Variants in TUBB6 observed in about 807,000 individuals in gnomAD.
TUBB6 encodes tubulin beta 6 class V, also known as tubulin beta-6 chain.
Under a neutral mutation model 32.3 loss-of-function variants are expected in TUBB6, and 18 were observed. The observed-to-expected ratio is 0.56, with a 90% confidence interval of 0.39 to 0.83. The LOEUF (loss-of-function observed/expected upper bound fraction) is 0.83, where lower values mean the gene tolerates loss of function less well. TUBB6 is among the 40% of genes least tolerant of loss of function. The pLI, the probability that TUBB6 is intolerant of heterozygous loss-of-function variation, is 0.00. For missense variants in TUBB6, 480 were observed against 632.0 expected, an observed-to-expected ratio of 0.76 and a Z score of 2.58; for synonymous variants, 280 against 265.8, an observed-to-expected ratio of 1.05 and a Z score of -0.52.
intron 3 of TUBB6, among the ~76,000 whole-genome samples, chr18:12,318,403 A>G (rs1461049294): frequency 1.3e-5 from 2 of 148,350 alleles, no homozygotes; most frequent in African/African-American, 2.5e-5. Flanking sequence ...TTGTAAGAGA[A>G]CAGTCACATA....
At chr18:12,321,232 GTACA>G (rs890010442) in intron 3 of TUBB6, among the ~76,000 whole-genome samples, 89 of 152,282 alleles carry the variant, frequency 5.8e-4, no homozygotes, top group African/African-American at 2.0e-3. Flanking sequence ...TAACAGTCCA[GTACA>G]TACATTTTAA....
chr18:12,328,941 A>G (rs1435121708), downstream of TUBB6: 1 of 526,614 alleles, frequency 1.9e-6, no homozygotes, highest in East Asian at 2.9e-5. Context: ...TAGGGACCCT[A>G]TGTGTGTTCA....
In TUBB6 at chr18:12,324,445, CT is replaced by C. The variant is rs201642073; in HGVS notation, c.278-607del. On this transcript the variant is annotated intron_variant, in intron 3 of 3. Coordinates refer to ENST00000317702, the MANE Select transcript of TUBB6 (RefSeq NM_032525.3). ...GATTCAGAAAGCCCAAAGGAGAGAA[CT>C]TTTTTTTTTTTTTTGAGCTGTAGTC... Among the ~76,000 whole-genome samples, 696 of 144,322 alleles carry C rather than the reference CT, an allele frequency of 4.8e-3. 10 individuals carry two copies. Among genetic ancestry groups the C allele is most frequent in the South Asian group, 8.3e-3 (38 of 4,596 alleles). 94.7% of individuals were successfully genotyped at this position (144,322 alleles called of 152,430 possible).
chr18:12,325,455 C>T lies in TUBB6; in HGVS notation c.666C>T (p.Tyr222=), dbSNP rs145399267. ...CTCTGAAGCTGACAACGCCCACCTA[C>T]GGGGACCTCAACCACCTGGTGTCCG... ...FRTLKLTTPT[Y]GDLNHLVSAT... Residue 222 remains tyrosine, a synonymous_variant, in exon 4 of 4, where the codon TAC becomes TAT. Transcript: ENST00000317702. 6 of 1,614,118 alleles carry T rather than the reference C, an allele frequency of 3.7e-6. No homozygotes were observed. Among genetic ancestry groups the T allele is most frequent in the Non-Finnish European group, 5.1e-6 (6 of 1,180,048 alleles).
intron 3 of TUBB6, 22 bp from the exon 4 acceptor site, chr18:12,325,045 C>G: frequency 6.4e-7 from 1 of 1,553,080 alleles, no homozygotes; most frequent in Non-Finnish European, 8.7e-7. Context: ...GTTTAAACGG[C>G]ACGGGACTCT....
chr18:12,314,235 A>AC lies in TUBB6; in HGVS notation c.277+3190dup, dbSNP rs200225445. ...TTCATTTTACTATCTGAAATGAAGGACCCCCCCCAAGCATCTTGGGGTCAC... is the reference window on the plus strand; with the variant it reads ...TTCATTTTACTATCTGAAATGAAGGACCCCCCCCCAAGCATCTTGGGGTCAC... On this transcript the variant is annotated intron_variant, in intron 3 of 3. Coordinates refer to ENST00000317702, the MANE Select transcript of TUBB6 (RefSeq NM_032525.3). Among the ~76,000 whole-genome samples the AC allele has an allele frequency of 4.4e-3, 662 of 150,798 alleles. 2 individuals carry two copies. Among genetic ancestry groups the AC allele is most frequent in the African/African-American group, 6.1e-3 (251 of 40,998 alleles).
chr18:12,326,019 G>A lies in TUBB6; in HGVS notation c.1230G>A (p.Glu410=). 2 of 1,614,152 alleles carry A rather than the reference G, an allele frequency of 1.2e-6. No homozygotes were observed. Among genetic ancestry groups the A allele is most frequent in the Non-Finnish European group, 1.7e-6 (2 of 1,180,034 alleles). The change falls in exon 4 of 4, where the codon GAG becomes GAA. Residue 410 remains glutamate, a synonymous_variant. Coordinates refer to ENST00000317702, the MANE Select transcript of TUBB6 (RefSeq NM_032525.3). ...GEGMDEMEFT[E]AESNMNDLVS... is the part of the protein sequence containing the mutation. ...GCATGGATGAAATGGAGTTCACCGA[G>A]GCGGAGAGCAACATGAACGACCTGG...
intron 3 of TUBB6, among the ~76,000 whole-genome samples, chr18:12,312,985 G>A (rs1413005515): frequency 2.3e-5 from 2 of 86,596 alleles, no homozygotes; most frequent in African/African-American, 9.4e-5. Context: ...GGCAACAAGA[G>A]TGAAATTCTA....
Position 12,325,095 on chromosome 18 carries a change from G to A in TUBB6, c.306G>A (p.Ala102=), listed in dbSNP as rs1321023641. The A allele has an allele frequency of 6.3e-7, 1 of 1,582,644 alleles. No individual in the cohort carries two copies. The change falls in exon 4 of 4, where the codon GCG becomes GCA. Residue 102 remains alanine (A), a synonymous_variant. Coordinates refer to ENST00000317702, the MANE Select transcript of TUBB6 (RefSeq NM_032525.3). ...AGACGGGTGCAGGGAACAACTGGGCGAAAGGGCACTACACGGAGGGCGCGG... is the reference window on the plus strand; with the variant it reads ...AGACGGGTGCAGGGAACAACTGGGCAAAAGGGCACTACACGGAGGGCGCGG... ...FGQTGAGNNW[A]KGHYTEGAEL... is the part of the protein sequence containing the mutation.
chr18:12,314,793 G>C (rs1007116924), intron 3 of TUBB6, among the ~76,000 whole-genome samples: 1 of 152,092 alleles, frequency 6.6e-6, no homozygotes, highest in Non-Finnish European at 1.5e-5. Flanking sequence ...TTTAGCTCTG[G>C]GTTTCTGGCA....
intron 1 of TUBB6, 88 bp downstream of exon 1, chr18:12,308,437 C>G: frequency 1.0e-5 from 11 of 1,069,628 alleles, no homozygotes; most frequent in Non-Finnish European, 1.3e-5. Context: ...GGGGCGCGCA[C>G]CCGCTGTGCG....
chr18:12,324,884 T>G, intron 3 of TUBB6, 183 bp from the exon 4 acceptor site: 4 of 1,413,566 alleles, frequency 2.8e-6, no homozygotes, highest in Non-Finnish European at 3.7e-6. Flanking sequence ...CTACTTTGAC[T>G]TGCCTAAAAA....
chr18:12,323,182 G>A (rs1281120369), intron 3 of TUBB6, among the ~76,000 whole-genome samples: 10 of 152,196 alleles, frequency 6.6e-5, no homozygotes, highest in African/African-American at 1.9e-4. Context: ...GCCAGTGTAC[G>A]CCACCCTGGG....
intron 3 of TUBB6, among the ~76,000 whole-genome samples, chr18:12,320,918 C>T (rs1436343503): frequency 6.6e-6 from 1 of 152,232 alleles, no homozygotes; most frequent in East Asian, 1.9e-4. Context: ...GCCCACTGCC[C>T]TTGCTATCTC....
chr18:12,308,510 G>A, intron 1 of TUBB6, 161 bp downstream of exon 1: 1 of 697,868 alleles, frequency 1.4e-6, no homozygotes, highest in Non-Finnish European at 2.2e-6. Flanking sequence ...CGCCCGGGGC[G>A]TGGCCGGCCG....
At chr18:12,324,911 C>T in intron 3 of TUBB6, 156 bp from the exon 4 acceptor site, 2 of 1,469,134 alleles carry the variant, frequency 1.4e-6, no homozygotes, top group Non-Finnish European at 1.8e-6. Flanking sequence ...AGTGCATCTG[C>T]TCAGCTGCAC....
chr18:12,321,445 C>T (rs1422240568), intron 3 of TUBB6, among the ~76,000 whole-genome samples: 1 of 152,198 alleles, frequency 6.6e-6, no homozygotes, highest in East Asian at 1.9e-4. Context: ...TCCCAAATTG[C>T]ATGGGAGCCC....
At chr18:12,313,326 C>G (rs149232122) in intron 3 of TUBB6, among the ~76,000 whole-genome samples, 250 of 152,316 alleles carry the variant, frequency 1.6e-3, no homozygotes, top group African/African-American at 5.0e-3. Context: ...CTTGGAGTTT[C>G]CAGATAGGCT....
At chr18:12,320,597 T>C (rs1259361123) in intron 3 of TUBB6, 1 of 152,196 alleles carries the variant, frequency 6.6e-6, no homozygotes, top group Non-Finnish European at 1.5e-5. Flanking sequence ...ATACACTGTT[T>C]AGTACCCTAG....
Sources: gnomAD v4.1 joint callset for allele counts (sites outside exome capture counted in the v4.1 genomes callset) on GRCh38, gnomAD v4.1.1 for gene constraint, MANE v1.5 for transcripts, NCBI Gene and HGNC (gene_info 2026-07-23, HGNC 2026-07-21) for gene names.